CORO7: variants seen among roughly 807,000 people sequenced by gnomAD.
The protein encoded by CORO7 is coronin 7.
CORO7 carries 107 observed loss-of-function variants against 126.6 expected under a neutral mutation model. That is an observed-to-expected ratio of 0.85 (90% CI 0.72 to 0.99). CORO7 has a LOEUF of 0.99. CORO7 is among the 50% of genes least tolerant of loss of function. CORO7 has a pLI of 0.00. For missense variants in CORO7, 1,314 were observed against 1,255.8 expected, an observed-to-expected ratio of 1.05 and a Z score of -0.70; for synonymous variants, 603 against 536.8, an observed-to-expected ratio of 1.12 and a Z score of -1.70.
chr16:4,359,717 T>A, intron 21 of CORO7, 96 bp from the exon 22 acceptor site: 2 of 1,459,732 alleles, frequency 1.4e-6, no homozygotes, highest in Non-Finnish European at 1.8e-6. Flanking sequence ...CTGTTCTGGG[T>A]TGTAGGCGAG....
At chr16:4,384,975 G>C (rs1486453558) in intron 9 of CORO7, among the ~76,000 whole-genome samples, 1 of 152,152 alleles carries the variant, frequency 6.6e-6, no homozygotes, top group Non-Finnish European at 1.5e-5. Flanking sequence ...GGGGGCAGTG[G>C]CGGGGGGGTG....
intron 9 of CORO7, chr16:4,382,092 GC>G: frequency 6.3e-7 from 1 of 1,584,322 alleles, no homozygotes. Flanking sequence ...CTGTCCCCCA[GC>G]CCCAGGACTG....
At chr16:4,368,765 A>AT (rs2054427066) in intron 9 of CORO7, among the ~76,000 whole-genome samples, 1 of 152,030 alleles carries the variant, frequency 6.6e-6, no homozygotes, top group Admixed American at 6.6e-5. Flanking sequence ...AAAAAAAAAA[A>AT]AATCACATCA....
intron 3 of CORO7, 35 bp from the exon 4 acceptor site, chr16:4,408,286 T>C (rs1264813552): frequency 1.9e-6 from 3 of 1,614,078 alleles, no homozygotes; most frequent in Admixed American, 1.7e-5. Flanking sequence ...CACCGGAATG[T>C]CCTGTTTCCA....
intron 9 of CORO7, among the ~76,000 whole-genome samples, chr16:4,374,574 G>T (rs956887914): frequency 6.6e-6 from 1 of 152,164 alleles, no homozygotes; most frequent in African/African-American, 2.4e-5. Context: ...GCGGCCGCTG[G>T]GGCCCCTGCT....
At chr16:4,390,753 G>A (rs1226965435) in intron 7 of CORO7, among the ~76,000 whole-genome samples, 1 of 152,194 alleles carries the variant, frequency 6.6e-6, no homozygotes, top group Non-Finnish European at 1.5e-5. Flanking sequence ...ACGAAGCCAT[G>A]GTGCAAAGTG....
chr16:4,388,748 G>C (rs1418422155), intron 7 of CORO7, 117 bp from the exon 8 acceptor site: 3 of 1,134,146 alleles, frequency 2.6e-6, no homozygotes, highest in Non-Finnish European at 3.8e-6. Flanking sequence ...GCCTCACAGA[G>C]GGTGGGAAGG....
At chr16:4,364,213 T>A in intron 14 of CORO7, 63 bp downstream of exon 14, 1 of 1,426,938 alleles carries the variant, frequency 7.0e-7, no homozygotes, top group Non-Finnish European at 9.2e-7. Flanking sequence ...GTTCAGCCGG[T>A]GAACACTCAG....
chr16:4,412,600 T>C (rs538860674), intron 2 of CORO7, 170 bp from the exon 3 acceptor site: 2 of 657,340 alleles, frequency 3.0e-6, no homozygotes, highest in Admixed American at 5.8e-5. Flanking sequence ...GGGTAGGTTC[T>C]GGCCCCATGC....
intron 7 of CORO7, among the ~76,000 whole-genome samples, chr16:4,394,092 C>G (rs771339811): frequency 4.5e-4 from 69 of 152,190 alleles, no homozygotes; most frequent in Middle Eastern, 3.4e-3. Context: ...AAGAGCAAGA[C>G]TCCATCTCCC....
intron 9 of CORO7, among the ~76,000 whole-genome samples, chr16:4,375,799 T>G (rs898995937): frequency 3.3e-5 from 5 of 152,170 alleles, no homozygotes; most frequent in Non-Finnish European, 7.3e-5. Context: ...AATTTCTTGT[T>G]TAATTGGCCT....
intron 9 of CORO7, among the ~76,000 whole-genome samples, chr16:4,374,601 C>G (rs1324375981): frequency 6.6e-6 from 1 of 152,124 alleles, no homozygotes; most frequent in African/African-American, 2.4e-5. Context: ...GGGCCCCGAG[C>G]CCGGCTGGGC....
intron 6 of CORO7, among the ~76,000 whole-genome samples, chr16:4,399,575 A>T (rs879485782): frequency 6.6e-6 from 1 of 152,218 alleles, no homozygotes; most frequent in Non-Finnish European, 1.5e-5. Context: ...TCTGTTTCAC[A>T]ACAGTGTAAA....
intron 9 of CORO7, among the ~76,000 whole-genome samples, chr16:4,374,107 C>G (rs2054629245): frequency 7.0e-6 from 1 of 142,514 alleles, no homozygotes; most frequent in African/African-American, 2.8e-5. Flanking sequence ...GTGTGTGTGT[C>G]TGCAGGAGCA....
chr16:4,356,549 C>T (rs1186079426), intron 26 of CORO7: 2 of 152,912 alleles, frequency 1.3e-5, no homozygotes, highest in Non-Finnish European at 2.9e-5. Flanking sequence ...TCTCCTGCCT[C>T]AGTCTCCCGA....
Position 4,359,461 on chromosome 16 carries a change from G to A in CORO7, c.2250+19C>T, listed in dbSNP as rs764477388. 14 of 1,613,124 alleles carry A rather than the reference G, an allele frequency of 8.7e-6. No homozygotes were observed. The highest frequency in any genetic ancestry group is 3.3e-5 in the South Asian group (3 of 91,084). On this transcript the variant is annotated intron_variant, in intron 22 of 27. Coordinates refer to ENST00000251166, the MANE Select transcript of CORO7 (RefSeq NM_024535.5). ...CCCACCACCTCTCACCTGCCATCCCGCCCTCCAGCCCAGCCCACCTTGCCG... is the reference window on the plus strand; with the variant it reads ...CCCACCACCTCTCACCTGCCATCCCACCCTCCAGCCCAGCCCACCTTGCCG...
intron 9 of CORO7, among the ~76,000 whole-genome samples, chr16:4,384,768 G>T (rs573622295): frequency 6.6e-6 from 1 of 152,336 alleles, no homozygotes; most frequent in South Asian, 2.1e-4. Flanking sequence ...TCTTCCTGAG[G>T]CAGCGGCGGC....
At chr16:4,398,951 G>C (rs1325023226) in intron 6 of CORO7, among the ~76,000 whole-genome samples, 2 of 150,446 alleles carry the variant, frequency 1.3e-5, no homozygotes, top group East Asian at 3.9e-4. Flanking sequence ...CCAGGTGACA[G>C]TGCGAGACTC....
intron 9 of CORO7, among the ~76,000 whole-genome samples, chr16:4,368,524 G>A (rs1271049965): frequency 6.6e-6 from 1 of 151,898 alleles, no homozygotes; most frequent in African/African-American, 2.4e-5. Context: ...TTGGGAGGCC[G>A]ATCACTTTGG....
Sources: gnomAD v4.1 joint callset for allele counts (sites outside exome capture counted in the v4.1 genomes callset) on GRCh38, gnomAD v4.1.1 for gene constraint, MANE v1.5 for transcripts, NCBI Gene and HGNC (gene_info 2026-07-23, HGNC 2026-07-21) for gene names.